Variants in NMT1 observed in about 807,000 individuals in gnomAD.
NMT1 encodes the protein N-myristoyltransferase 1.
A neutral mutation model predicts 63.4 loss-of-function variants in NMT1; 12 were observed. The observed-to-expected ratio is 0.19, with a 90% CI of 0.12 to 0.31. The LOEUF is 0.31. Among genes scored for constraint, NMT1 ranks in the 10% least tolerant of loss-of-function variants. NMT1 has a pLI of 1.00. For missense variants in NMT1, 432 were observed against 634.6 expected (o/e 0.68, Z 3.43); for synonymous variants, 228 against 234.3 (o/e 0.97, Z 0.25).
chr17:45,072,609 G>A (rs1423431642), intron 1 of NMT1, among the ~76,000 whole-genome samples: 1 of 142,924 alleles, frequency 7.0e-6, no homozygotes, highest in African/African-American at 2.6e-5. Flanking sequence ...GCCCAGGCTG[G>A]AGTGCAGTGG....
intron 1 of NMT1, among the ~76,000 whole-genome samples, chr17:45,066,537 T>G (rs2053903763): frequency 6.6e-6 from 1 of 151,542 alleles, no homozygotes; most frequent in Non-Finnish European, 1.5e-5. Context: ...AAAAATCACT[T>G]GAGCTCAGGA....
chr17:45,063,066 G>A (rs573419330), intron 1 of NMT1, among the ~76,000 whole-genome samples: 7 of 152,034 alleles, frequency 4.6e-5, no homozygotes, highest in African/African-American at 9.6e-5. Context: ...TTAGCCGGGC[G>A]TGGTGGCGGG....
chr17:45,090,158 C>T (rs1056825208), intron 3 of NMT1, among the ~76,000 whole-genome samples: 5 of 152,130 alleles, frequency 3.3e-5, no homozygotes, highest in Non-Finnish European at 5.9e-5. Context: ...GTAGCACATG[C>T]CTATGGTCCC....
At chr17:45,072,683 C>T (rs1233761500) in intron 1 of NMT1, among the ~76,000 whole-genome samples, 1 of 151,826 alleles carries the variant, frequency 6.6e-6, no homozygotes, top group African/African-American at 2.4e-5. Context: ...CCTCAGCCTC[C>T]CGAGTAGCTG....
At chr17:45,069,513 G>C (rs1277253495) in intron 1 of NMT1, among the ~76,000 whole-genome samples, 1 of 150,912 alleles carries the variant, frequency 6.6e-6, no homozygotes, top group African/African-American at 2.4e-5. Flanking sequence ...GCTGGTCTTG[G>C]AACTCCTAAT....
chr17:45,081,036 G>A (rs1340913732), intron 1 of NMT1, among the ~76,000 whole-genome samples: 2 of 152,208 alleles, frequency 1.3e-5, no homozygotes, highest in Non-Finnish European at 2.9e-5. Context: ...CCAAAGTGTT[G>A]GGATTACAGG....
At chr17:45,098,799 T>C (rs2054142721) in intron 7 of NMT1, 1 of 457,440 alleles carries the variant, frequency 2.2e-6, no homozygotes. Context: ...CTGCTGCCAT[T>C]TGGAGATGGT....
At chr17:45,101,910 A>G (rs1201142333) in intron 8 of NMT1, among the ~76,000 whole-genome samples, 4 of 152,196 alleles carry the variant, frequency 2.6e-5, no homozygotes, top group Non-Finnish European at 5.9e-5. Context: ...TTCTGTTCTC[A>G]TGACAGATCT....
At position 45,100,965 on chromosome 17, in the gene NMT1, A is replaced by C. The variant is rs546690351; in HGVS notation, c.993+1452A>C. Among the ~76,000 whole-genome samples the C allele has an allele frequency of 3.4e-5, 5 of 147,136 alleles. No homozygotes were observed. The South Asian group carries it at 1.1e-3, about 33-fold the overall frequency. On this transcript the variant is annotated intron_variant, in intron 8 of 11. Coordinates refer to ENST00000258960, the MANE Select transcript of NMT1 (RefSeq NM_021079.5). ...GGGAGGCCTAGGCGAGTGGATCACGAGGTCAGGAGATCGAGACCATCCTGG... is the reference window on the plus strand; with the variant it reads ...GGGAGGCCTAGGCGAGTGGATCACGCGGTCAGGAGATCGAGACCATCCTGG...
At chr17:45,093,518 G>A in intron 3 of NMT1, 167 bp from the exon 4 acceptor site, 2 of 591,084 alleles carry the variant, frequency 3.4e-6, no homozygotes, top group South Asian at 2.0e-5. Flanking sequence ...CTCAGTTAGG[G>A]GCTAAGGGTA....
At chr17:45,065,141 A>T (rs1015972710) in intron 1 of NMT1, among the ~76,000 whole-genome samples, 1 of 152,172 alleles carries the variant, frequency 6.6e-6, no homozygotes, top group African/African-American at 2.4e-5. Context: ...TGTCTTCGAA[A>T]TGCCTAGCAC....
At chr17:45,084,180 A>G (rs975482817) in intron 2 of NMT1, among the ~76,000 whole-genome samples, 2 of 152,198 alleles carry the variant, frequency 1.3e-5, no homozygotes, top group African/African-American at 2.4e-5. Context: ...TATTTGCAAC[A>G]TATGTATTAG....
At position 45,104,878 on chromosome 17, in the gene NMT1, A is replaced by G. The variant is rs1350193710; in HGVS notation, c.1352A>G (p.Asn451Ser). Reference protein sequence around the residue: ...LAKMKGFDVFNALDLMENKTF... With the variant: ...LAKMKGFDVFSALDLMENKTF... ...TTGCAGAAAGGGTTTGATGTGTTCA[A>G]TGCACTGGATCTCATGGAGAACAAA... The change falls in exon 11 of 12, where the codon AAT (asparagine) becomes AGT (serine). Residue 451 changes from asparagine (N) to serine (S), a missense_variant. Asn to Ser is a conservative substitution (Grantham distance 46, BLOSUM62 1). Coordinates refer to ENST00000258960, the MANE Select transcript of NMT1 (RefSeq NM_021079.5). This position sits in a 1 kb window ranked among gnomAD's most constrained non-coding sequence, Gnocchi z 4.2. 6.2e-7 allele frequency: 1 copy of G among 1,614,216 alleles called. No individual in the cohort carries two copies.
At chr17:45,093,191 T>C (rs1338472732) in intron 3 of NMT1, among the ~76,000 whole-genome samples, 1 of 152,234 alleles carries the variant, frequency 6.6e-6, no homozygotes, top group Non-Finnish European at 1.5e-5. Flanking sequence ...CTCACGCTGC[T>C]GAAAGCCAAG....
intron 1 of NMT1, among the ~76,000 whole-genome samples, chr17:45,078,802 A>G (rs964787577): frequency 2.0e-5 from 3 of 151,926 alleles, no homozygotes; most frequent in African/African-American, 7.3e-5. Context: ...AGTTGGGACT[A>G]CAAGTGTGCA....
intron 3 of NMT1, among the ~76,000 whole-genome samples, chr17:45,088,553 G>T (rs1353955416): frequency 1.3e-5 from 2 of 152,130 alleles, no homozygotes; most frequent in Admixed American, 6.5e-5. Context: ...TCAGGAGTTC[G>T]AGACCAGCCT....
chr17:45,096,156 G>T, intron 4 of NMT1, 38 bp from the exon 5 acceptor site: 1 of 1,514,706 alleles, frequency 6.6e-7, no homozygotes, highest in Non-Finnish European at 9.2e-7. Context: ...CTACTACCTG[G>T]CAGAATACCT....
chr17:45,096,824 C>T (rs1309619891), intron 5 of NMT1, among the ~76,000 whole-genome samples: 2 of 152,196 alleles, frequency 1.3e-5, no homozygotes, highest in Non-Finnish European at 2.9e-5. Flanking sequence ...CACTGGCCTC[C>T]GAACCAAAGA....
Position 45,105,864 on chromosome 17 carries a change from A to T in NMT1, c.*225A>T. ...TCTCTGGTCTCCGTGTTTTCCAGTT[A>T]ATTACATCCTCATGCAGCCGTGATC... On this transcript the variant is annotated 3_prime_UTR_variant, in exon 12 of 12. Coordinates refer to ENST00000258960, the MANE Select transcript of NMT1 (RefSeq NM_021079.5). The surrounding 1 kb of genome is among the most constrained non-coding windows in gnomAD (Gnocchi z 4.2). 1 of 537,068 alleles carries T rather than the reference A, an allele frequency of 1.9e-6. No individual in the cohort carries two copies. Among genetic ancestry groups the T allele is most frequent in the East Asian group, 3.4e-5 (1 of 29,386 alleles). 33.3% of individuals were successfully genotyped at this position (537,068 alleles called of 1,614,324 possible).
Sources: allele counts gnomAD v4.1 joint callset (sites outside exome capture counted in the v4.1 genomes callset), GRCh38; gene constraint gnomAD v4.1.1; non-coding constraint Gnocchi (gnomAD v3.1); transcripts MANE v1.5; gene names NCBI Gene and HGNC (gene_info 2026-07-23, HGNC 2026-07-21).